Variants in HTR6 observed in about 807,000 individuals in gnomAD.
HTR6 encodes 5-hydroxytryptamine (serotonin) receptor 6, G protein-coupled.
A neutral mutation model predicts 17.4 loss-of-function variants in HTR6; 15 were observed. The observed-to-expected ratio is 0.86, with a 90% CI of 0.58 to 1.33. HTR6 has a LOEUF of 1.33. Among genes scored for constraint, HTR6 ranks in the 40% most tolerant of loss-of-function variants. HTR6 has a pLI of 0.00. For synonymous variants in HTR6, 326 were observed against 295.5 expected, an observed-to-expected ratio of 1.10 and a Z score of -1.06; for missense variants, 578 against 616.0, an observed-to-expected ratio of 0.94 and a Z score of 0.65.
intron 1 of HTR6, among the ~76,000 whole-genome samples, chr1:19,672,214 C>A (rs1247339072): frequency 6.6e-6 from 1 of 151,910 alleles, no homozygotes; most frequent in Non-Finnish European, 1.5e-5. Context: ...CCTTCCTCCC[C>A]ACTCCCATCC....
At position 19,680,033 on chromosome 1, in the gene HTR6, G is replaced by T. The variant is rs767428011; in HGVS notation, c.*665G>T. Among the ~76,000 whole-genome samples the T allele has an allele frequency of 5.9e-5, 9 of 152,202 alleles. No individual in the cohort carries two copies. The highest frequency in any genetic ancestry group is 1.3e-4 in the Non-Finnish European group (9 of 68,016). The stretch of plus-strand genomic sequence containing the variant: ...AGCAGCTGCACCTGGGAGGCAGGCA[G>T]GCATGCATGTGGGCCTCTGCTCTAC... On this transcript the variant is annotated 3_prime_UTR_variant, in exon 3 of 3. Coordinates refer to ENST00000289753, the MANE Select transcript of HTR6 (RefSeq NM_000871.3).
At chr1:19,669,916 G>A (rs548881308) in intron 1 of HTR6, among the ~76,000 whole-genome samples, 11 of 151,906 alleles carry the variant, frequency 7.2e-5, no homozygotes, top group African/African-American at 1.2e-4. Context: ...GATTACAGGC[G>A]TGAGCCACTG....
At chr1:19,667,074 A>G (rs939211820) in intron 1 of HTR6, among the ~76,000 whole-genome samples, 1 of 152,040 alleles carries the variant, frequency 6.6e-6, no homozygotes, top group Non-Finnish European at 1.5e-5. Flanking sequence ...TCAGGATCCC[A>G]CACTGCCATC....
chr1:19,666,418 T>A lies in HTR6; in HGVS notation c.665T>A (p.Val222Glu). 6.2e-7 allele frequency: 1 copy of A among 1,613,322 alleles called. No individual in the cohort carries two copies. The highest frequency in any genetic ancestry group is 8.5e-7 in the Non-Finnish European group (1 of 1,179,896). Residue 222 changes from valine (V) to glutamate (E), a missense_variant, in exon 1 of 3, where the codon GTG becomes GAG. Physicochemically the swap from Val to Glu is moderately radical, Grantham distance 121. Transcript: ENST00000289753. This position sits in a 1 kb window ranked among gnomAD's most constrained non-coding sequence, Gnocchi z 4.5. ...GCTGCCCGCAAGCAGGCCGTGCAGGTGGCCTCCCTCACCACCGGCATGGCC... is the reference window on the plus strand; with the variant it reads ...GCTGCCCGCAAGCAGGCCGTGCAGGAGGCCTCCCTCACCACCGGCATGGCC... ...LLAARKQAVQVASLTTGMASQ... is the reference protein window; with the variant it reads ...LLAARKQAVQEASLTTGMASQ...
In HTR6 at chr1:19,678,708, G is replaced by T. The variant is rs201607639; in HGVS notation, c.856G>T (p.Val286Leu). The change falls in exon 2 of 3, where the codon GTG becomes TTG. Residue 286 changes from valine (V) to leucine (L), a missense_variant. Val to Leu is a conservative substitution (Grantham distance 32). Transcript: ENST00000289753. The part of the protein sequence containing the change: ...MFFVTWLPFF[V>L]ANIVQAVCDC... ...CTTTGTGACCTGGTTGCCCTTCTTTGTGGCCAACATAGTCCAGGTAATGCC... is the reference window on the plus strand; with the variant it reads ...CTTTGTGACCTGGTTGCCCTTCTTTTTGGCCAACATAGTCCAGGTAATGCC... 1 of 1,612,294 alleles carries T rather than the reference G, an allele frequency of 6.2e-7. No homozygotes were observed. Among genetic ancestry groups the T allele is most frequent in the East Asian group, 2.2e-5 (1 of 44,798 alleles).
intron 1 of HTR6, among the ~76,000 whole-genome samples, chr1:19,670,757 C>A (rs1175952235): frequency 6.6e-6 from 1 of 152,196 alleles, no homozygotes; most frequent in Admixed American, 6.5e-5. Context: ...AGCTACCATG[C>A]CTGGCCTGTC....
At position 19,670,709 on chromosome 1, in the gene HTR6, C is replaced by G. The variant is rs1205095384; in HGVS notation, c.714+4242C>G. The stretch of plus-strand genomic sequence containing the variant: ...GAAACCCTGAGCTCAGGCAATCCAC[C>G]CGCCTTGGCTTTCCAAAGTGCTAGG... On this transcript the variant is annotated intron_variant, in intron 1 of 2. Coordinates refer to ENST00000289753, the MANE Select transcript of HTR6 (RefSeq NM_000871.3). Among the ~76,000 whole-genome samples, 5 of 152,256 alleles carry G rather than the reference C, an allele frequency of 3.3e-5. 1 individual carries two copies. In the South Asian group the frequency reaches 1.0e-3, roughly 32 times the overall value.
chr1:19,678,496 A>AGTC (rs1173235226), intron 1 of HTR6, 71 bp from the exon 2 acceptor site: 1 of 1,564,246 alleles, frequency 6.4e-7, no homozygotes, highest in Non-Finnish European at 8.8e-7. Context: ...ATTGAAGCTC[A>AGTC]GTCTGTGGCT....
chr1:19,667,927 TG>T (rs2095083578), intron 1 of HTR6, among the ~76,000 whole-genome samples: 2 of 151,810 alleles, frequency 1.3e-5, no homozygotes, highest in East Asian at 3.9e-4. Flanking sequence ...TCTAGGAGGG[TG>T]GGGGTTGCAT....
chr1:19,666,618 C>A lies in HTR6; in HGVS notation c.714+151C>A. ...CCACCTTTCTTCTGAACTCCAGAGC[C>A]AATGCCTGACCCACCCACCACAGGA... On this transcript the variant is annotated intron_variant, in intron 1 of 2. Transcript: ENST00000289753. The surrounding 1 kb of genome is among the most constrained non-coding windows in gnomAD (Gnocchi z 4.5). 1.6e-6 allele frequency: 1 copy of A among 624,902 alleles called. No individual in the cohort carries two copies. The highest frequency in any genetic ancestry group is 2.8e-6 in the Non-Finnish European group (1 of 361,170). The allele number at this position is 624,902 out of a possible 1,614,324, so 38.7% of individuals were successfully genotyped here. A position where few individuals can be genotyped will look rare whatever the true frequency, so the allele number is the denominator to read the frequency against.
intron 1 of HTR6, among the ~76,000 whole-genome samples, chr1:19,668,378 G>A (rs1160907729): frequency 3.3e-5 from 5 of 152,092 alleles, no homozygotes; most frequent in Non-Finnish European, 4.4e-5. Context: ...CTGAAGAGCT[G>A]GTATGCACTG....
chr1:19,675,563 C>T (rs2095093201), intron 1 of HTR6, among the ~76,000 whole-genome samples: 1 of 152,120 alleles, frequency 6.6e-6, no homozygotes, highest in South Asian at 2.1e-4. Flanking sequence ...AATCTCAGTT[C>T]ATCTTCACCC....
chr1:19,677,393 T>A (rs945769330), intron 1 of HTR6, among the ~76,000 whole-genome samples: 1 of 152,126 alleles, frequency 6.6e-6, no homozygotes, highest in African/African-American at 2.4e-5. Context: ...ATGCCTTCCT[T>A]TCAGTGGCTG....
At chr1:19,676,509 C>G (rs1007541694) in intron 1 of HTR6, among the ~76,000 whole-genome samples, 1 of 152,190 alleles carries the variant, frequency 6.6e-6, no homozygotes, top group Non-Finnish European at 1.5e-5. Context: ...TGCTTCGTCT[C>G]CCTGCCCCAG....
chr1:19,672,358 G>C (rs148317438), intron 1 of HTR6, among the ~76,000 whole-genome samples: 2 of 151,750 alleles, frequency 1.3e-5, no homozygotes, highest in East Asian at 3.9e-4. Context: ...CCAACTAAGC[G>C]TCATTCTGTC....
chr1:19,667,842 C>A (rs1183472046), intron 1 of HTR6, among the ~76,000 whole-genome samples: 2 of 152,154 alleles, frequency 1.3e-5, no homozygotes, highest in Non-Finnish European at 2.9e-5. Flanking sequence ...AGGCCTGAGA[C>A]CCAGTGACTT....
chr1:19,679,277 C>G lies in HTR6; in HGVS notation c.1232C>G (p.Pro411Arg). The change falls in exon 3 of 3, where the codon CCC (proline) becomes CGC (arginine). Residue 411 changes from proline to arginine, a missense_variant. By Grantham distance (103) the Pro-to-Arg change is moderately radical (BLOSUM62 -2). Coordinates refer to ENST00000289753, the MANE Select transcript of HTR6 (RefSeq NM_000871.3). This position sits in a 1 kb window ranked among gnomAD's most constrained non-coding sequence, Gnocchi z 4.9. ...GAGGCCACCCAGGACCCCCCGCTGC[C>G]CACCAGGGCCGCTGCCGCCGTCAAT... ...PGEATQDPPL[P>R]TRAAAAVNFF... 1 of 1,605,624 alleles carries G rather than the reference C, an allele frequency of 6.2e-7. No individual in the cohort carries two copies. The highest frequency in any genetic ancestry group is 1.1e-5 in the South Asian group (1 of 90,010).
At chr1:19,671,883 G>A (rs1351738666) in intron 1 of HTR6, among the ~76,000 whole-genome samples, 1 of 152,196 alleles carries the variant, frequency 6.6e-6, no homozygotes, top group Non-Finnish European at 1.5e-5. Flanking sequence ...TCAGGGCTGG[G>A]AGGAAGGGGT....
At chr1:19,668,855 A>C (rs967031260) in intron 1 of HTR6, among the ~76,000 whole-genome samples, 119 of 152,352 alleles carry the variant, frequency 7.8e-4, no homozygotes, top group African/African-American at 2.5e-3. Context: ...ACACCACTTC[A>C]GTGAAACTGA....
Sources: allele counts gnomAD v4.1 joint callset (sites outside exome capture counted in the v4.1 genomes callset), GRCh38; gene constraint gnomAD v4.1.1; non-coding constraint Gnocchi (gnomAD v3.1); transcripts MANE v1.5; gene names NCBI Gene and HGNC (gene_info 2026-07-23, HGNC 2026-07-21).